The following RYR2 variants were observed in gnomAD, a reference collection of about 807,000 sequenced individuals.
RYR2 encodes the protein cardiac muscle ryanodine receptor-calcium release channel.
Under a neutral mutation model 601.1 loss-of-function variants are expected in RYR2, and 227 were observed. The ratio of observed to expected loss-of-function variants is 0.38; its 90% CI spans 0.34 to 0.42. The LOEUF (loss-of-function observed/expected upper bound fraction) is 0.42, where lower values mean the gene tolerates loss of function less well. Ranked by LOEUF, RYR2 falls within the 10% of genes least tolerant of loss-of-function variation. The pLI, the probability that RYR2 is intolerant of heterozygous loss-of-function variation, is 1.00. For missense variants in RYR2, 4,646 were observed against 6,156.5 expected, an observed-to-expected ratio of 0.75 and a Z score of 8.21; for synonymous variants, 2,223 against 2,175.1, an observed-to-expected ratio of 1.02 and a Z score of -0.61.
intron 1 of RYR2, among the ~76,000 whole-genome samples, chr1:237,146,418 G>A (rs537419721): frequency 3.9e-5 from 6 of 152,294 alleles, no homozygotes; most frequent in East Asian, 1.9e-4. Flanking sequence ...AGAGGAATGC[G>A]TGGGAATGCA....
intron 3 of RYR2, among the ~76,000 whole-genome samples, chr1:237,346,946 C>T (rs1698361803): frequency 6.6e-6 from 1 of 152,030 alleles, no homozygotes; most frequent in Admixed American, 6.6e-5. Flanking sequence ...TTTAAAAGTA[C>T]CTGGTCTGCT....
intron 1 of RYR2, among the ~76,000 whole-genome samples, chr1:237,061,276 C>CATCATCT (rs1662839862): frequency 3.0e-5 from 3 of 98,720 alleles, no homozygotes; most frequent in Non-Finnish European, 6.7e-5. Context: ...ATCCATCTAT[C>CATCATCT]ATCTATCTAT....
At chr1:237,134,510 C>T (rs1394648995) in intron 1 of RYR2, among the ~76,000 whole-genome samples, 4 of 152,096 alleles carry the variant, frequency 2.6e-5, no homozygotes, top group Non-Finnish European at 5.9e-5. Context: ...GAAACTTATT[C>T]ACTATCACAA....
chr1:237,832,374 G>A (rs1663901278), intron 104 of RYR2, among the ~76,000 whole-genome samples, 178 bp from the exon 105 acceptor site: 1 of 152,018 alleles, frequency 6.6e-6, no homozygotes, highest in South Asian at 2.1e-4. Context: ...TCATTATAAT[G>A]GTCAGGATGA....
chr1:237,177,198 G>A (rs1678151905), intron 1 of RYR2, among the ~76,000 whole-genome samples: 1 of 152,052 alleles, frequency 6.6e-6, no homozygotes, highest in South Asian at 2.1e-4. Context: ...GCTACTACAC[G>A]ATCAAGTCAA....
chr1:237,056,763 C>T (rs1380264420), intron 1 of RYR2, among the ~76,000 whole-genome samples: 1 of 150,178 alleles, frequency 6.7e-6, no homozygotes, highest in African/African-American at 2.5e-5. Flanking sequence ...GAGCACTGCA[C>T]CTGTGAGGAC....
intron 79 of RYR2, among the ~76,000 whole-genome samples, chr1:237,736,086 A>G (rs1255244882): frequency 6.6e-6 from 1 of 151,654 alleles, no homozygotes; most frequent in South Asian, 2.1e-4. Flanking sequence ...AGTTGTTTTT[A>G]TTTTATCATG....
chr1:237,069,820 G>A lies in RYR2; in HGVS notation c.48+27251G>A, dbSNP rs146214977. ...TAGATTTTATTTTATTGGTTTTCAC[G>A]TTAATACTGTTTTTCCCTAACAATT... On this transcript the variant is annotated intron_variant, in intron 1 of 104. Coordinates refer to ENST00000366574, the MANE Select transcript of RYR2 (RefSeq NM_001035.3). 2.0e-3 allele frequency among the ~76,000 whole-genome samples: 308 copies of A among 152,120 alleles called. 1 individual carries two copies. Among genetic ancestry groups the A allele is most frequent in the Middle Eastern group, 6.8e-3 (2 of 294 alleles).
chr1:237,132,131 A>G (rs1279373075), intron 1 of RYR2, among the ~76,000 whole-genome samples: 5 of 152,234 alleles, frequency 3.3e-5, no homozygotes, highest in Non-Finnish European at 7.3e-5. Flanking sequence ...GCAACATTGT[A>G]AAATATATTG....
intron 2 of RYR2, among the ~76,000 whole-genome samples, chr1:237,280,546 T>G (rs1213399999): frequency 6.6e-6 from 1 of 152,108 alleles, no homozygotes; most frequent in Non-Finnish European, 1.5e-5. Context: ...TCCCAATATT[T>G]TTAGAGAAAA....
intron 1 of RYR2, among the ~76,000 whole-genome samples, chr1:237,115,188 C>T (rs949609196): frequency 3.9e-5 from 6 of 152,014 alleles, no homozygotes; most frequent in African/African-American, 1.4e-4. Context: ...AGACCACACC[C>T]TCCAAGAGGC....
At chr1:237,607,537 C>T (rs144924490) in intron 35 of RYR2, among the ~76,000 whole-genome samples, 2,197 of 152,068 alleles carry the variant, frequency 0.014, 48 homozygotes, top group African/African-American at 0.05. Context: ...AACAAACCTG[C>T]ACATTGTGCA....
intron 25 of RYR2, among the ~76,000 whole-genome samples, chr1:237,545,447 T>C (rs575447712): frequency 6.6e-6 from 1 of 152,196 alleles, no homozygotes; most frequent in African/African-American, 2.4e-5. Context: ...TAGCAATGGC[T>C]CCGATCAGTG....
intron 74 of RYR2, among the ~76,000 whole-genome samples, chr1:237,723,882 ATG>A (rs1197161498): frequency 1.3e-5 from 2 of 152,076 alleles, no homozygotes; most frequent in African/African-American, 2.4e-5. Context: ...TTGCACAAGA[ATG>A]TGTAAAACAA....
At chr1:237,651,962 G>A (rs1163830433) in intron 51 of RYR2, among the ~76,000 whole-genome samples, 11 of 152,042 alleles carry the variant, frequency 7.2e-5, no homozygotes, top group South Asian at 2.1e-4. Flanking sequence ...GCGTGAACCC[G>A]GGAGGTGGAG....
chr1:237,616,991 C>T (rs554960444), intron 37 of RYR2, among the ~76,000 whole-genome samples: 58 of 152,270 alleles, frequency 3.8e-4, no homozygotes, highest in African/African-American at 1.3e-3. Flanking sequence ...GTTATCTCCA[C>T]CCAGCCCCGC....
rs548809164 is a variant in RYR2 at position 237,493,225 on chromosome 1, A to T, written c.1961+138A>T. The T allele has an allele frequency of 7.3e-6, 7 of 965,188 alleles. No individual in the cohort carries two copies. The East Asian group carries it at 1.8e-4, about 25-fold the overall frequency. The allele number at this position is 965,188 out of a possible 1,614,324, so 59.8% of individuals were successfully genotyped here. A position where few individuals can be genotyped will look rare whatever the true frequency, so the allele number is the denominator to read the frequency against. ...ATTTTCTGTATTTTTGCAGTGAATA[A>T]TATGTCTTTTTCTCTAACAATCAGA... On this transcript the variant is annotated intron_variant, in intron 19 of 104. Coordinates refer to ENST00000366574, the MANE Select transcript of RYR2 (RefSeq NM_001035.3).
At chr1:237,525,631 A>C (rs1667497114) in intron 24 of RYR2, among the ~76,000 whole-genome samples, 2 of 151,798 alleles carry the variant, frequency 1.3e-5, no homozygotes, top group African/African-American at 4.8e-5. Context: ...TTGTAGTTTT[A>C]GTAGAGACGG....
intron 28 of RYR2, among the ~76,000 whole-genome samples, chr1:237,567,737 T>C (rs1672242008): frequency 6.6e-6 from 1 of 152,040 alleles, no homozygotes; most frequent in Admixed American, 6.5e-5. Context: ...ATTTTCCTTT[T>C]CACATGAGGG....
Sources: gnomAD v4.1 joint callset for allele counts (sites outside exome capture counted in the v4.1 genomes callset) on GRCh38, gnomAD v4.1.1 for gene constraint, MANE v1.5 for transcripts, NCBI Gene and HGNC (gene_info 2026-07-23, HGNC 2026-07-21) for gene names.